Variants in DYSF observed in about 807,000 individuals in gnomAD.
The protein encoded by DYSF is dysferlin, also known as dystrophy-associated fer-1-like 1.
In DYSF, 212 loss-of-function variants were observed where a neutral mutation model predicts 274.9. The observed-to-expected ratio is 0.77, with a 90% CI of 0.69 to 0.86. The LOEUF is 0.86. Ranked by LOEUF, DYSF falls within the 40% of genes least tolerant of loss-of-function variation. The pLI, the probability that DYSF is intolerant of heterozygous loss-of-function variation, is 0.00. For missense variants in DYSF, 2,666 were observed against 2,783.2 expected, an observed-to-expected ratio of 0.96 and a Z score of 0.95; for synonymous variants, 1,091 against 1,078.7, an observed-to-expected ratio of 1.01 and a Z score of -0.22.
rs2092505133 is a variant in DYSF, at chr2:71,572,002, C to T, written c.3228+1261C>T. ...TGGATCACATCCAGCACACCCAGCA[C>T]AGATCACACTCAGCACACACACATT... On this transcript the variant is annotated intron_variant, in intron 29 of 55. Coordinates refer to ENST00000410020, the MANE Select transcript of DYSF (RefSeq NM_001130987.2). Among the ~76,000 whole-genome samples, 3 of 148,196 alleles carry T rather than the reference C, an allele frequency of 2.0e-5. No homozygotes were observed. In the South Asian group the frequency reaches 6.6e-4, roughly 32 times the overall value.
At chr2:71,626,613 T>C (rs2152903317) in intron 41 of DYSF, among the ~76,000 whole-genome samples, 1 of 152,030 alleles carries the variant, frequency 6.6e-6, no homozygotes, top group Non-Finnish European at 1.5e-5. Context: ...TCTGCATTGC[T>C]GGGCTCAGTT....
chr2:71,685,563 G>A (rs2095347013), intron 55 of DYSF, among the ~76,000 whole-genome samples: 1 of 152,248 alleles, frequency 6.6e-6, no homozygotes, highest in African/African-American at 2.4e-5. Context: ...CCAGGGCCTA[G>A]TGGAGAGGGG....
At chr2:71,498,789 A>G (rs2084678282) in intron 3 of DYSF, among the ~76,000 whole-genome samples, 1 of 152,210 alleles carries the variant, frequency 6.6e-6, no homozygotes, top group Non-Finnish European at 1.5e-5. Context: ...TAAAGGCAAG[A>G]TGGAGTCGGT....
chr2:71,544,459 C>CT (rs10656285), intron 17 of DYSF, among the ~76,000 whole-genome samples: 13,598 of 128,950 alleles, frequency 0.11, 1,149 homozygotes, highest in African/African-American at 0.2. Context: ...TAAAAATGTT[C>CT]TTTTTTTTTT....
chr2:71,601,324 G>T (rs2093545340), intron 34 of DYSF, 175 bp from the exon 35 acceptor site: 1 of 816,926 alleles, frequency 1.2e-6, no homozygotes, highest in Non-Finnish European at 2.1e-6. Flanking sequence ...GCTGCTCTGG[G>T]TGAAGTGTCT....
At chr2:71,586,759 G>C (rs530746044) in intron 30 of DYSF, among the ~76,000 whole-genome samples, 1 of 152,212 alleles carries the variant, frequency 6.6e-6, no homozygotes, top group African/African-American at 2.4e-5. Flanking sequence ...TCCGCGAGCA[G>C]GGAGGTCCCT....
At chr2:71,532,711 T>C (rs530344644) in intron 14 of DYSF, among the ~76,000 whole-genome samples, 2 of 152,220 alleles carry the variant, frequency 1.3e-5, no homozygotes, top group Admixed American at 1.3e-4. Flanking sequence ...GGGCAGCCTG[T>C]GCCTTCTTAT....
At chr2:71,472,419 T>C (rs1399617630) in intron 1 of DYSF, among the ~76,000 whole-genome samples, 1 of 152,186 alleles carries the variant, frequency 6.6e-6, no homozygotes, top group Non-Finnish European at 1.5e-5. Flanking sequence ...TTTCTTTTTT[T>C]TCTTTTTGAC....
At chr2:71,683,547 C>G (rs1366595058) in intron 55 of DYSF, among the ~76,000 whole-genome samples, 1 of 152,196 alleles carries the variant, frequency 6.6e-6, no homozygotes, top group East Asian at 1.9e-4. Flanking sequence ...AAACTCCAAC[C>G]CTATATAAAA....
intron 30 of DYSF, among the ~76,000 whole-genome samples, chr2:71,580,529 C>A (rs1261672236): frequency 6.6e-6 from 1 of 152,172 alleles, no homozygotes; most frequent in East Asian, 1.9e-4. Flanking sequence ...AGGCTTGGTT[C>A]CCAGAGCTGG....
intron 1 of DYSF, among the ~76,000 whole-genome samples, chr2:71,469,134 C>A (rs1307787679): frequency 1.3e-5 from 2 of 152,126 alleles, no homozygotes; most frequent in Admixed American, 1.3e-4. Flanking sequence ...TTTGGAACCG[C>A]ATCTTGGGAA....
chr2:71,482,484 G>C (rs2082999692), intron 3 of DYSF, among the ~76,000 whole-genome samples: 1 of 152,116 alleles, frequency 6.6e-6, no homozygotes, highest in Admixed American at 6.5e-5. Flanking sequence ...GCCCGGCCTG[G>C]GCGCTTCCCT....
At chr2:71,666,373 G>T (rs1349503097) in intron 47 of DYSF, among the ~76,000 whole-genome samples, 1 of 152,272 alleles carries the variant, frequency 6.6e-6, no homozygotes. Context: ...GGCAGAGCCA[G>T]GTTCCTGGCC....
At chr2:71,566,785 CA>C (rs1276146346) in intron 24 of DYSF, among the ~76,000 whole-genome samples, 5 of 152,194 alleles carry the variant, frequency 3.3e-5, no homozygotes, top group Non-Finnish European at 7.3e-5. Context: ...CACGTGGACT[CA>C]GGGGCTCCTA....
intron 30 of DYSF, among the ~76,000 whole-genome samples, chr2:71,584,196 G>A (rs900650394): frequency 6.7e-6 from 1 of 148,634 alleles, no homozygotes; most frequent in African/African-American, 2.5e-5. Context: ...GTGAATGGGG[G>A]TGAAGGGTGG....
chr2:71,578,985 C>T (rs2092801197), intron 30 of DYSF, among the ~76,000 whole-genome samples: 1 of 152,236 alleles, frequency 6.6e-6, no homozygotes, highest in African/African-American at 2.4e-5. Flanking sequence ...AATATCCTGG[C>T]ATTTCCAAAG....
chr2:71,607,187 G>A (rs897522709), intron 36 of DYSF, among the ~76,000 whole-genome samples: 1 of 152,182 alleles, frequency 6.6e-6, no homozygotes, highest in Admixed American at 6.5e-5. Context: ...ATGGACACCT[G>A]CTGTCTGAAT....
intron 3 of DYSF, among the ~76,000 whole-genome samples, chr2:71,496,674 G>A (rs2084432799): frequency 2.0e-5 from 3 of 152,066 alleles, no homozygotes; most frequent in Non-Finnish European, 4.4e-5. Context: ...GCTCAGAGTG[G>A]CTGGTTTGCA....
chr2:71,546,095 C>T (rs563607811), intron 17 of DYSF, among the ~76,000 whole-genome samples: 111 of 152,380 alleles, frequency 7.3e-4, no homozygotes, highest in African/African-American at 2.5e-3. Context: ...TCTGCCGACC[C>T]GTTCCTGCAG....
Sources: allele counts gnomAD v4.1 joint callset (sites outside exome capture counted in the v4.1 genomes callset), GRCh38; gene constraint gnomAD v4.1.1; transcripts MANE v1.5; gene names NCBI Gene and HGNC (gene_info 2026-07-23, HGNC 2026-07-21).